The following MED16 variants were observed in gnomAD, a reference collection of about 807,000 sequenced individuals.
MED16 encodes the protein mediator of RNA polymerase II transcription subunit 16.
A neutral mutation model predicts 84.4 loss-of-function variants in MED16; 81 were observed. That is an observed-to-expected ratio of 0.96 (90% CI 0.80 to 1.15). MED16 has a LOEUF of 1.15. Among genes scored for constraint, MED16 ranks in the 50% most tolerant of loss-of-function variants. The pLI, the probability that MED16 is intolerant of heterozygous loss-of-function variation, is 0.00. For missense variants in MED16, 1,585 were observed against 1,245.9 expected (o/e 1.27, Z -4.10); for synonymous variants, 897 against 552.2 (o/e 1.62, Z -8.76).
At chr19:888,195 C>A (rs967448445) in intron 4 of MED16, among the ~76,000 whole-genome samples, 1 of 150,850 alleles carries the variant, frequency 6.6e-6, no homozygotes, top group Non-Finnish European at 1.5e-5. Context: ...CAGAGCAAGA[C>A]CCTGTCTCAA....
intron 8 of MED16, 70 bp from the exon 9 acceptor site, chr19:877,250 G>A (rs1305958973): frequency 6.1e-6 from 9 of 1,476,606 alleles, no homozygotes; most frequent in African/African-American, 2.8e-5. Context: ...GAGGAATGGG[G>A]CCCTGGGGCT....
chr19:882,481 G>A (rs11879857), intron 6 of MED16, among the ~76,000 whole-genome samples: 3,296 of 152,298 alleles, frequency 0.022, 125 homozygotes, highest in African/African-American at 0.074. Context: ...CCAAGATCAC[G>A]CCACTGCACT....
At position 868,009 on chromosome 19, in the gene MED16, T is replaced by G; in HGVS notation, c.*92A>C. ...GGACCTGTCCTTCCCAGCCGCTGCT[T>G]GTCCAGGTTCAGCGCTCTCCGCGGG... On this transcript the variant is annotated 3_prime_UTR_variant, in exon 16 of 16. Coordinates refer to ENST00000325464, the MANE Select transcript of MED16 (RefSeq NM_005481.3). 2.7e-6 allele frequency: 4 copies of G among 1,466,756 alleles called. No individual in the cohort carries two copies. The highest frequency in any genetic ancestry group is 3.6e-6 in the Non-Finnish European group (4 of 1,101,914). 90.9% of individuals were successfully genotyped at this position (1,466,756 alleles called of 1,614,324 possible).
intron 1 of MED16, among the ~76,000 whole-genome samples, chr19:891,555 C>T (rs1484884041): frequency 6.6e-6 from 1 of 152,186 alleles, no homozygotes; most frequent in Non-Finnish European, 1.5e-5. Context: ...CGCAGACAGG[C>T]AAGCGGTGGG....
At chr19:885,249 G>A (rs1026108937) in intron 5 of MED16, among the ~76,000 whole-genome samples, 1 of 152,176 alleles carries the variant, frequency 6.6e-6, no homozygotes, top group African/African-American at 2.4e-5. Context: ...GGGACACAGG[G>A]AACCAAGTCA....
intron 6 of MED16, among the ~76,000 whole-genome samples, 198 bp downstream of exon 6, chr19:884,705 A>G (rs2036489739): frequency 6.6e-6 from 1 of 152,118 alleles, no homozygotes; most frequent in African/African-American, 2.4e-5. Flanking sequence ...AGGAGTCTAT[A>G]CGCCTAACAC....
chr19:879,289 C>A (rs1262879166), intron 8 of MED16, among the ~76,000 whole-genome samples: 40 of 150,926 alleles, frequency 2.7e-4, no homozygotes, highest in African/African-American at 8.8e-4. Flanking sequence ...AGCAGCTCAC[C>A]TTCCCATGGT....
At chr19:889,053 C>T (rs1223237995) in intron 4 of MED16, among the ~76,000 whole-genome samples, 21 of 128,778 alleles carry the variant, frequency 1.6e-4, no homozygotes, top group African/African-American at 6.7e-4. Context: ...CTTAACTGTC[C>T]CCCCCAACCC....
chr19:871,609 G>T, intron 12 of MED16: 1 of 1,595,908 alleles, frequency 6.3e-7, no homozygotes, highest in Non-Finnish European at 8.5e-7. Context: ...CAGGTGCCTG[G>T]AAGTGGCTGC....
intron 10 of MED16, 90 bp from the exon 11 acceptor site, chr19:873,672 G>C (rs2036156974): frequency 6.8e-7 from 1 of 1,470,118 alleles, no homozygotes; most frequent in South Asian, 1.2e-5. Context: ...CCTGCACTGA[G>C]TGCCCACCCA....
Position 880,006 on chromosome 19 carries a change from G to A in MED16, c.1284C>T (p.Ala428=), listed in dbSNP as rs531358282. 29 of 1,610,096 alleles carry A rather than the reference G, an allele frequency of 1.8e-5. No homozygotes were observed. Among genetic ancestry groups the A allele is most frequent in the African/African-American group, 4.0e-5 (3 of 74,972 alleles). The change falls in exon 8 of 16, where the codon GCC becomes GCT. Residue 428 remains alanine (A), a synonymous_variant. Transcript: ENST00000325464. Reference sequence around the variant, plus strand: ...ATAGCTGCATAGCCTTTAAGTGGACGGCGGGGCCCGCGGTGCGGGGGCGCT... The same window carrying A: ...ATAGCTGCATAGCCTTTAAGTGGACAGCGGGGCCCGCGGTGCGGGGGCGCT... The part of the protein sequence containing the change: ...AMKRPRTAGP[A]VHLKAMQLSW...
intron 4 of MED16, among the ~76,000 whole-genome samples, chr19:887,239 G>C (rs1318174108): frequency 6.6e-6 from 1 of 152,042 alleles, no homozygotes; most frequent in Non-Finnish European, 1.5e-5. Context: ...CAGGAAGCAA[G>C]CCAGGCCTGG....
intron 4 of MED16, among the ~76,000 whole-genome samples, chr19:888,009 C>T (rs1027637144): frequency 6.6e-6 from 1 of 151,888 alleles, no homozygotes; most frequent in East Asian, 1.9e-4. Context: ...TCGAGACCAC[C>T]CTGACCAACA....
Position 868,895 on chromosome 19 carries a change from A to G in MED16, c.2367T>C (p.Ala789=). ...IDHLRRLHLG[A]CPTEECKACT... is the part of the protein sequence containing the mutation. Reference sequence around the variant, plus strand: ...AGGCCTTGCATTCCTCCGTGGGGCAAGCGCCAAGGTGCAGCCTCCGCAGGT... The same window carrying G: ...AGGCCTTGCATTCCTCCGTGGGGCAGGCGCCAAGGTGCAGCCTCCGCAGGT... Residue 789 remains alanine, a synonymous_variant, in exon 14 of 16, where the codon GCT becomes GCC. Transcript: ENST00000325464. 1 of 1,552,064 alleles carries G rather than the reference A, an allele frequency of 6.4e-7. No individual in the cohort carries two copies. Among genetic ancestry groups the G allele is most frequent in the Non-Finnish European group, 8.7e-7 (1 of 1,152,054 alleles).
At chr19:881,238 A>G (rs1381390552) in intron 7 of MED16, among the ~76,000 whole-genome samples, 2 of 152,230 alleles carry the variant, frequency 1.3e-5, no homozygotes, top group Non-Finnish European at 2.9e-5. Flanking sequence ...TGGCTGCTGC[A>G]GCACAGAGAG....
At chr19:868,720 T>C in intron 14 of MED16, 143 bp downstream of exon 14, 1 of 1,087,046 alleles carries the variant, frequency 9.2e-7, no homozygotes, top group Non-Finnish European at 1.3e-6. Flanking sequence ...CTCCACATCC[T>C]GGGATCCTGG....
chr19:871,957 G>A lies in MED16; in HGVS notation c.2067C>T (p.Leu689=), dbSNP rs576908813. The A allele has an allele frequency of 1.4e-5, 22 of 1,605,462 alleles. No individual in the cohort carries two copies. The highest frequency in any genetic ancestry group is 5.5e-5 in the African/African-American group (4 of 73,036). The change falls in exon 12 of 16, where the codon CTC becomes CTT. Residue 689 remains leucine (L), a synonymous_variant. Coordinates refer to ENST00000325464, the MANE Select transcript of MED16 (RefSeq NM_005481.3). Reference sequence around the variant, plus strand: ...TCCAGAGCTTGGTGAGCAGGCGGAAGAGCAGGGACATGCTGTCCTGGGTAT... The same window carrying A: ...TCCAGAGCTTGGTGAGCAGGCGGAAAAGCAGGGACATGCTGTCCTGGGTAT... ...TSDTQDSMSL[L]FRLLTKLWIC... is the part of the protein sequence containing the mutation.
chr19:878,501 G>A (rs1599330127), intron 8 of MED16, among the ~76,000 whole-genome samples: 2 of 136,322 alleles, frequency 1.5e-5, no homozygotes, highest in Non-Finnish European at 3.1e-5. Context: ...ATGCCCACCA[G>A]CCCCAGCCCC....
At chr19:874,263 G>A (rs1007853302) in intron 10 of MED16, among the ~76,000 whole-genome samples, 7 of 152,008 alleles carry the variant, frequency 4.6e-5, no homozygotes, top group Admixed American at 2.6e-4. Flanking sequence ...ACAGGCGCCC[G>A]CCACCACGCC....
Sources: allele counts gnomAD v4.1 joint callset (sites outside exome capture counted in the v4.1 genomes callset), GRCh38; gene constraint gnomAD v4.1.1; transcripts MANE v1.5; gene names NCBI Gene and HGNC (gene_info 2026-07-23, HGNC 2026-07-21).